The following LPCAT1 variants were observed in gnomAD, a reference collection of about 807,000 sequenced individuals.
LPCAT1 encodes the protein lysophosphatidylcholine acyltransferase 1.
A neutral mutation model predicts 60.9 loss-of-function variants in LPCAT1; 23 were observed. The ratio of observed to expected loss-of-function variants is 0.38; its 90% CI spans 0.27 to 0.53. The LOEUF (loss-of-function observed/expected upper bound fraction) is 0.53, where lower values mean the gene tolerates loss of function less well. Among genes scored for constraint, LPCAT1 ranks in the 20% least tolerant of loss-of-function variants. The pLI is 0.82. For synonymous variants in LPCAT1, 340 were observed against 301.1 expected, an observed-to-expected ratio of 1.13 and a Z score of -1.34; for missense variants, 622 against 723.6, an observed-to-expected ratio of 0.86 and a Z score of 1.61.
At chr5:1,499,886 G>A (rs1471897062) in intron 2 of LPCAT1, among the ~76,000 whole-genome samples, 1 of 152,264 alleles carries the variant, frequency 6.6e-6, no homozygotes, top group African/African-American at 2.4e-5. Flanking sequence ...GCTCCCATCA[G>A]CCTCTTGGCC....
chr5:1,463,976 T>G, intron 13 of LPCAT1, 141 bp from the exon 14 acceptor site: 1 of 847,590 alleles, frequency 1.2e-6, no homozygotes, highest in Non-Finnish European at 1.9e-6. Flanking sequence ...AACGGATGCT[T>G]TCAGGGTGGA....
intron 2 of LPCAT1, among the ~76,000 whole-genome samples, chr5:1,497,692 G>C (rs1409982730): frequency 1.3e-5 from 2 of 152,218 alleles, no homozygotes; most frequent in African/African-American, 4.8e-5. Context: ...GGCAGGAGCT[G>C]CTGGCTTCTG....
At chr5:1,511,075 T>G (rs941765904) in intron 1 of LPCAT1, among the ~76,000 whole-genome samples, 1 of 152,176 alleles carries the variant, frequency 6.6e-6, no homozygotes, top group African/African-American at 2.4e-5. Context: ...GAGAAAACCC[T>G]GGGCCCCTAA....
chr5:1,476,712 C>T lies in LPCAT1; in HGVS notation c.899+692G>A, dbSNP rs1017766239. Among the ~76,000 whole-genome samples, 4 of 151,738 alleles carry T rather than the reference C, an allele frequency of 2.6e-5. No individual in the cohort carries two copies. Among genetic ancestry groups the T allele is most frequent in the Admixed American group, 6.6e-5 (1 of 15,252 alleles). On this transcript the variant is annotated intron_variant, in intron 9 of 13. Coordinates refer to ENST00000283415, the MANE Select transcript of LPCAT1 (RefSeq NM_024830.5). The surrounding 1 kb of genome is among the most constrained non-coding windows in gnomAD (Gnocchi z 8.6). ...GGAGGAAGCACTAGGGAGGCATTCA[C>T]GTGGGGGTAAATCCAGGTGGGAGGA...
chr5:1,464,760 C>G lies in LPCAT1; in HGVS notation c.1421-925G>C, dbSNP rs374348773. 7.3e-3 allele frequency among the ~76,000 whole-genome samples: 947 copies of G among 129,408 alleles called. 7 individuals carry two copies. The highest frequency in any genetic ancestry group is 0.032 in the African/African-American group (909 of 28,018). The allele number at this position is 129,408 out of a possible 152,430, so 84.9% of individuals were successfully genotyped here. On this transcript the variant is annotated intron_variant, in intron 13 of 13. Coordinates refer to ENST00000283415, the MANE Select transcript of LPCAT1 (RefSeq NM_024830.5). ...CGCAGACACACACACACAAAACAAG[C>G]ACACACACGGTAACCAAACACACGT... is the stretch of plus-strand genomic sequence containing the variant.
At chr5:1,515,312 C>A (rs769608507) in intron 1 of LPCAT1, among the ~76,000 whole-genome samples, 20 of 151,078 alleles carry the variant, frequency 1.3e-4, no homozygotes, top group African/African-American at 4.6e-4. Context: ...CCAGCCTGCC[C>A]GGCCCTTCCT....
chr5:1,472,202 G>C (rs1734709347), intron 11 of LPCAT1, among the ~76,000 whole-genome samples: 1 of 151,156 alleles, frequency 6.6e-6, no homozygotes, highest in Non-Finnish European at 1.5e-5. Flanking sequence ...GAGGCGAGGT[G>C]AGGAGCACCC....
intron 1 of LPCAT1, among the ~76,000 whole-genome samples, chr5:1,515,924 C>A (rs1736494148): frequency 6.6e-6 from 1 of 152,222 alleles, no homozygotes; most frequent in Non-Finnish European, 1.5e-5. Context: ...GCCCCTGGAC[C>A]ACCAGTAACG....
At chr5:1,484,052 C>T (rs554477920) in intron 5 of LPCAT1, among the ~76,000 whole-genome samples, 11 of 152,254 alleles carry the variant, frequency 7.2e-5, no homozygotes, top group Non-Finnish European at 1.5e-4. Flanking sequence ...CCTCGGGGCC[C>T]CACCCGCCGC....
At chr5:1,515,455 C>G (rs1736479979) in intron 1 of LPCAT1, among the ~76,000 whole-genome samples, 1 of 148,802 alleles carries the variant, frequency 6.7e-6, no homozygotes, top group Non-Finnish European at 1.5e-5. Context: ...CCCCCACCTC[C>G]CCCGCCAGCC....
Position 1,522,367 on chromosome 5 carries a change from C to A in LPCAT1, c.135+1343G>T, listed in dbSNP as rs566095503. Among the ~76,000 whole-genome samples, 1 of 152,276 alleles carries A rather than the reference C, an allele frequency of 6.6e-6. No individual in the cohort carries two copies. Among genetic ancestry groups the A allele is most frequent in the African/African-American group, 2.4e-5 (1 of 41,556 alleles). On this transcript the variant is annotated intron_variant, in intron 1 of 13. Transcript: ENST00000283415. The surrounding 1 kb of genome is among the most constrained non-coding windows in gnomAD (Gnocchi z 6.8). Reference sequence around the variant, plus strand: ...GGGCACAGCACACGGCAGCTGACAGCGTGTGGCAGACAGAGGGCCAGGCAG... The same window carrying A: ...GGGCACAGCACACGGCAGCTGACAGAGTGTGGCAGACAGAGGGCCAGGCAG...
chr5:1,520,644 A>G (rs1236245914), intron 1 of LPCAT1, among the ~76,000 whole-genome samples: 1 of 152,092 alleles, frequency 6.6e-6, no homozygotes, highest in East Asian at 1.9e-4. Context: ...GAGGATCACA[A>G]GGTCAGGAGA....
In LPCAT1 at chr5:1,463,855, T is replaced by C. The variant is rs1246406434; in HGVS notation, c.1421-20A>G. 2 of 1,611,942 alleles carry C rather than the reference T, an allele frequency of 1.2e-6. No homozygotes were observed. The highest frequency in any genetic ancestry group is 3.3e-5 in the Admixed American group (2 of 59,850). Reference sequence around the variant, plus strand: ...AGTCAGCTGGAAAGACAAAGGCACCTGTGGTTATGGAATGGGGACGAGCAA... The same window carrying C: ...AGTCAGCTGGAAAGACAAAGGCACCCGTGGTTATGGAATGGGGACGAGCAA... On this transcript the variant is annotated intron_variant, in intron 13 of 13. Coordinates refer to ENST00000283415, the MANE Select transcript of LPCAT1 (RefSeq NM_024830.5).
intron 1 of LPCAT1, among the ~76,000 whole-genome samples, chr5:1,515,032 G>A (rs746688455): frequency 6.8e-4 from 103 of 152,326 alleles, no homozygotes; most frequent in Middle Eastern, 6.8e-3. Context: ...CCCTGGTGGA[G>A]AGCACCTCCC....
rs143470660 is a variant in LPCAT1 at position 1,473,998 on chromosome 5, C to T, written c.1138G>A (p.Val380Ile). Reference protein sequence around the residue: ...AEFAASLEVPVSDLLEDMFSL... With the variant: ...AEFAASLEVPISDLLEDMFSL... ...AACATGTCTTCCAGCAAGTCAGAAACGGGGACTTCCAGGGAGGCGGCAAAC... is the reference window on the plus strand; with the variant it reads ...AACATGTCTTCCAGCAAGTCAGAAATGGGGACTTCCAGGGAGGCGGCAAAC... Residue 380 changes from valine to isoleucine, a missense_variant, in exon 11 of 14, where the codon GTT becomes ATT. This residue lies in a region of LPCAT1 where 288 missense variants were observed against 283.6 expected (regional missense o/e 1.02). Transcript: ENST00000283415. The T allele has an allele frequency of 6.4e-5, 104 of 1,614,062 alleles. No individual in the cohort carries two copies. Among genetic ancestry groups the T allele is most frequent in the Non-Finnish European group, 3.9e-5 (46 of 1,180,048 alleles).
Position 1,477,496 on chromosome 5 carries a change from C to G in LPCAT1, c.817-10G>C. The G allele has an allele frequency of 4.4e-6, 7 of 1,605,670 alleles. No homozygotes were observed. The highest frequency in any genetic ancestry group is 2.2e-5 in the South Asian group (2 of 90,784). ...TGTACACAGGAAGGAACTGAGCACACAGAGAAGCTGCGTTAGTATCACAAG... is the reference window on the plus strand; with the variant it reads ...TGTACACAGGAAGGAACTGAGCACAGAGAGAAGCTGCGTTAGTATCACAAG... On this transcript the variant is annotated splice_polypyrimidine_tract_variant and intron_variant, in intron 8 of 13. Transcript: ENST00000283415. This position sits in a 1 kb window ranked among gnomAD's most constrained non-coding sequence, Gnocchi z 6.0.
At chr5:1,519,049 T>TGCAGA (rs1417312290) in intron 1 of LPCAT1, among the ~76,000 whole-genome samples, 2 of 152,262 alleles carry the variant, frequency 1.3e-5, no homozygotes, top group Non-Finnish European at 2.9e-5. Context: ...ACCCAGAAGC[T>TGCAGA]GCAGAGTTTT....
At chr5:1,501,316 G>A in intron 2 of LPCAT1, 145 bp downstream of exon 2, 1 of 1,142,856 alleles carries the variant, frequency 8.8e-7, no homozygotes, top group East Asian at 2.6e-5. Context: ...CACTGGCAGG[G>A]GGCAGCCCTG....
chr5:1,465,995 G>A (rs1734382551), intron 13 of LPCAT1, among the ~76,000 whole-genome samples: 1 of 152,114 alleles, frequency 6.6e-6, no homozygotes, highest in Admixed American at 6.5e-5. Flanking sequence ...CTCCCGCACA[G>A]ACGCTGTGCA....
Sources: gnomAD v4.1 joint callset for allele counts (sites outside exome capture counted in the v4.1 genomes callset) on GRCh38, gnomAD v4.1.1 for gene constraint, gnomAD v4.1.1 regional missense constraint, Gnocchi (gnomAD v3.1) non-coding constraint, MANE v1.5 for transcripts, NCBI Gene and HGNC (gene_info 2026-07-23, HGNC 2026-07-21) for gene names.